C6: variants seen among roughly 807,000 people sequenced by gnomAD.
C6 encodes the protein complement C6.
In C6, 101 loss-of-function variants were observed where a neutral mutation model predicts 112.9. The ratio of observed to expected loss-of-function variants is 0.89; its 90% CI spans 0.76 to 1.06. C6 has a LOEUF of 1.06. Among genes scored for constraint, C6 ranks in the 50% least tolerant of loss-of-function variants. The pLI, the probability that C6 is intolerant of heterozygous loss-of-function variation, is 0.00. For synonymous variants in C6, 431 were observed against 384.1 expected, an observed-to-expected ratio of 1.12 and a Z score of -1.43; for missense variants, 1,202 against 1,104.6, an observed-to-expected ratio of 1.09 and a Z score of -1.25.
At chr5:41,219,088 T>C (rs1739013875) in intron 1 of C6, among the ~76,000 whole-genome samples, 1 of 152,252 alleles carries the variant, frequency 6.6e-6, no homozygotes, top group Non-Finnish European at 1.5e-5. Context: ...TTAATCAGAA[T>C]GGATGCTGTC....
intron 1 of C6, among the ~76,000 whole-genome samples, chr5:41,211,589 T>C (rs1055537782): frequency 3.3e-5 from 5 of 152,032 alleles, no homozygotes; most frequent in Non-Finnish European, 5.9e-5. Flanking sequence ...CCAAATAATG[T>C]GAAGCTTTCC....
chr5:41,145,358 C>T (rs1745720360), intron 17 of C6, among the ~76,000 whole-genome samples: 1 of 152,124 alleles, frequency 6.6e-6, no homozygotes. Flanking sequence ...CAGTGTGGCT[C>T]ATCTGTCCTA....
intron 1 of C6, among the ~76,000 whole-genome samples, chr5:41,253,724 G>A (rs1013383254): frequency 3.3e-5 from 5 of 152,068 alleles, no homozygotes; most frequent in African/African-American, 4.8e-5. Flanking sequence ...GTAATTGTAC[G>A]GATAATATGT....
intron 15 of C6, among the ~76,000 whole-genome samples, chr5:41,153,366 C>T (rs1746592839): frequency 6.6e-6 from 1 of 152,168 alleles, no homozygotes; most frequent in Admixed American, 6.5e-5. Flanking sequence ...TATGAGGATA[C>T]TGCCTACAGT....
At chr5:41,254,003 A>T (rs570463608) in intron 1 of C6, among the ~76,000 whole-genome samples, 1 of 152,238 alleles carries the variant, frequency 6.6e-6, no homozygotes, top group African/African-American at 2.4e-5. Flanking sequence ...AATTTCACAC[A>T]GTTGGCCTTA....
At chr5:41,145,938 A>T (rs566743125) in intron 17 of C6, among the ~76,000 whole-genome samples, 1 of 152,262 alleles carries the variant, frequency 6.6e-6, no homozygotes, top group South Asian at 2.1e-4. Context: ...CCTTCCCACC[A>T]CCTCTACTAA....
At chr5:41,143,983 A>G (rs1745585697) in intron 17 of C6, among the ~76,000 whole-genome samples, 1 of 152,204 alleles carries the variant, frequency 6.6e-6, no homozygotes, top group African/African-American at 2.4e-5. Context: ...CATATATTCT[A>G]CATGTATGTT....
chr5:41,214,989 T>C (rs1363112129), upstream of C6, among the ~76,000 whole-genome samples: 3 of 152,126 alleles, frequency 2.0e-5, no homozygotes, highest in Admixed American at 6.6e-5. Context: ...AACACTAGAA[T>C]TGACCCAGCA....
At chr5:41,246,086 T>C (rs1201460553) in intron 1 of C6, among the ~76,000 whole-genome samples, 1 of 152,216 alleles carries the variant, frequency 6.6e-6, no homozygotes, top group African/African-American at 2.4e-5. Flanking sequence ...ATTCTTAACT[T>C]GTCAAAGTTA....
intron 2 of C6, among the ~76,000 whole-genome samples, chr5:41,202,021 CAT>C (rs1269672720): frequency 6.6e-6 from 1 of 152,090 alleles, no homozygotes; most frequent in Non-Finnish European, 1.5e-5. Context: ...TGTGGCTGCA[CAT>C]GTTACACCAT....
At chr5:41,186,040 T>C in intron 6 of C6, 30 bp downstream of exon 6, 1 of 1,613,702 alleles carries the variant, frequency 6.2e-7, no homozygotes, top group Non-Finnish European at 8.5e-7. Flanking sequence ...CTGACGGTGT[T>C]GGAGTTGCCA....
intron 17 of C6, among the ~76,000 whole-genome samples, chr5:41,143,217 A>G (rs1745513392): frequency 6.6e-6 from 1 of 152,204 alleles, no homozygotes; most frequent in African/African-American, 2.4e-5. Context: ...CAATGACCCC[A>G]AAGACCCAAC....
chr5:41,236,240 G>T (rs1740291503), intron 1 of C6, among the ~76,000 whole-genome samples: 1 of 103,594 alleles, frequency 9.7e-6, no homozygotes, highest in Non-Finnish European at 1.9e-5. Context: ...AATCCATCTT[G>T]AATTGATTTT....
At chr5:41,225,141 T>C (rs1438237488) in intron 1 of C6, among the ~76,000 whole-genome samples, 1 of 152,214 alleles carries the variant, frequency 6.6e-6, no homozygotes, top group Non-Finnish European at 1.5e-5. Flanking sequence ...TGTATACATG[T>C]GCCATGTTGG....
At chr5:41,186,866 G>A (rs1156867484) in intron 5 of C6, among the ~76,000 whole-genome samples, 1 of 151,924 alleles carries the variant, frequency 6.6e-6, no homozygotes, top group East Asian at 1.9e-4. Flanking sequence ...GGCACATAGA[G>A]ATTAATTAGC....
At chr5:41,258,484 G>A (rs2150446557) in intron 1 of C6, among the ~76,000 whole-genome samples, 2 of 152,252 alleles carry the variant, frequency 1.3e-5, no homozygotes, top group South Asian at 4.1e-4. Context: ...TAACTGGAAG[G>A]CAGACATGCC....
chr5:41,176,905 G>A (rs1242079093), intron 7 of C6, among the ~76,000 whole-genome samples, 190 bp from the exon 8 acceptor site: 4 of 134,928 alleles, frequency 3.0e-5, no homozygotes, highest in African/African-American at 9.9e-5. Context: ...AATGTCCAAT[G>A]TGCAAAACAG....
intron 1 of C6, among the ~76,000 whole-genome samples, chr5:41,254,839 A>G (rs560693943): frequency 1.3e-5 from 2 of 152,258 alleles, no homozygotes; most frequent in Non-Finnish European, 2.9e-5. Context: ...GCAAGAGTTT[A>G]TGTGACTTCT....
At chr5:41,199,579 G>T (rs1750854080) in intron 4 of C6, among the ~76,000 whole-genome samples, 189 bp downstream of exon 4, 1 of 151,992 alleles carries the variant, frequency 6.6e-6, no homozygotes, top group Admixed American at 6.6e-5. Context: ...GGTCAAAATG[G>T]TATAACTGAA....
Sources: gnomAD v4.1 joint callset for allele counts (sites outside exome capture counted in the v4.1 genomes callset) on GRCh38, gnomAD v4.1.1 for gene constraint, MANE v1.5 for transcripts, NCBI Gene and HGNC (gene_info 2026-07-23, HGNC 2026-07-21) for gene names.